The following ANKH variants were observed in gnomAD, a reference collection of about 807,000 sequenced individuals.
The protein encoded by ANKH is mineralization regulator ANKH.
Under a neutral mutation model 49.0 loss-of-function variants are expected in ANKH, and 15 were observed. The ratio of observed to expected loss-of-function variants is 0.31; its 90% CI spans 0.20 to 0.47. ANKH has a LOEUF of 0.47. Among genes scored for constraint, ANKH ranks in the 20% least tolerant of loss-of-function variants. The pLI is 1.00. For missense variants in ANKH, 429 were observed against 652.0 expected (o/e 0.66, Z 3.72); for synonymous variants, 273 against 260.0 (o/e 1.05, Z -0.48).
intron 1 of ANKH, among the ~76,000 whole-genome samples, chr5:14,780,359 G>A (rs1412403008): frequency 4.6e-5 from 7 of 152,164 alleles, no homozygotes; most frequent in African/African-American, 7.2e-5. Context: ...CCTGGCCAAC[G>A]TGGCAAAACC....
intron 8 of ANKH, among the ~76,000 whole-genome samples, chr5:14,717,746 A>G (rs981083128): frequency 6.6e-6 from 1 of 152,204 alleles, no homozygotes; most frequent in Admixed American, 6.5e-5. Flanking sequence ...GCTTGGGACC[A>G]AAAGTGTTTT....
chr5:14,787,391 T>A (rs1054202972), intron 1 of ANKH, among the ~76,000 whole-genome samples: 19 of 152,124 alleles, frequency 1.2e-4, no homozygotes, highest in African/African-American at 4.3e-4. Context: ...TATAAAATAT[T>A]CTCATTCTGT....
chr5:14,778,986 T>C (rs16903708), intron 1 of ANKH, among the ~76,000 whole-genome samples: 6,688 of 152,264 alleles, frequency 0.044, 475 homozygotes, highest in African/African-American at 0.15. Context: ...TGGGAAGACT[T>C]TGAGATGCAT....
At chr5:14,792,319 A>G (rs1339400298) in intron 1 of ANKH, among the ~76,000 whole-genome samples, 1 of 152,258 alleles carries the variant, frequency 6.6e-6, no homozygotes. Context: ...AAGAATGTGC[A>G]TAGTGGACTA....
At chr5:14,796,277 G>A (rs1740381653) in intron 1 of ANKH, among the ~76,000 whole-genome samples, 1 of 151,110 alleles carries the variant, frequency 6.6e-6, no homozygotes, top group Admixed American at 6.6e-5. Context: ...AAATGGAGAT[G>A]GCATCAAACT....
intron 5 of ANKH, among the ~76,000 whole-genome samples, chr5:14,750,217 A>C (rs375108358): frequency 6.6e-6 from 1 of 152,242 alleles, no homozygotes; most frequent in African/African-American, 2.4e-5. Flanking sequence ...TAGATGCCTT[A>C]CAGCTAAATG....
intron 6 of ANKH, 74 bp downstream of exon 6, chr5:14,749,098 C>A (rs557311271): frequency 6.3e-7 from 1 of 1,599,872 alleles, no homozygotes; most frequent in African/African-American, 1.3e-5. Flanking sequence ...TCGAGAAGAA[C>A]TGGAAATCAG....
At chr5:14,743,217 C>T (rs998922431) in intron 7 of ANKH, among the ~76,000 whole-genome samples, 2 of 152,178 alleles carry the variant, frequency 1.3e-5, no homozygotes, top group East Asian at 3.9e-4. Flanking sequence ...GGTTGGAGAC[C>T]TCCGTCTCCA....
chr5:14,736,597 C>T (rs75256112), intron 8 of ANKH, among the ~76,000 whole-genome samples: 153 of 152,240 alleles, frequency 1.0e-3, no homozygotes, highest in African/African-American at 3.3e-3. Flanking sequence ...TTCTCTGAGT[C>T]GTCACCTCCC....
At chr5:14,731,820 C>T (rs1738012725) in intron 8 of ANKH, among the ~76,000 whole-genome samples, 1 of 152,232 alleles carries the variant, frequency 6.6e-6, no homozygotes, top group Admixed American at 6.5e-5. Context: ...AAGTGATGGG[C>T]TGACGTGTTC....
At chr5:14,839,389 A>G (rs139202832) in intron 1 of ANKH, among the ~76,000 whole-genome samples, 271 of 152,252 alleles carry the variant, frequency 1.8e-3, no homozygotes, top group African/African-American at 6.3e-3. Context: ...ACAGACACAC[A>G]CGCACAGACA....
In ANKH at chr5:14,715,333, G is replaced by A. The variant is rs1163110577; in HGVS notation, c.1141+1373C>T. ...TTTAGTAGAGACGGGGTTTCACCAT[G>A]TTGGTGAGGCTGGTCTCGAACTCCT... On this transcript the variant is annotated intron_variant, in intron 9 of 11. Transcript: ENST00000284268. Among the ~76,000 whole-genome samples the A allele has an allele frequency of 3.3e-5, 5 of 152,212 alleles. No individual in the cohort carries two copies. In the East Asian group the frequency reaches 9.6e-4, roughly 29 times the overall value.
chr5:14,741,612 A>G (rs1049093146), intron 8 of ANKH: 10 of 548,102 alleles, frequency 1.8e-5, no homozygotes, highest in Non-Finnish European at 2.6e-5. Flanking sequence ...AGAAGTCCCA[A>G]GAAATGCCTG....
chr5:14,760,359 C>G (rs1489492087), intron 2 of ANKH, among the ~76,000 whole-genome samples: 2 of 152,096 alleles, frequency 1.3e-5, no homozygotes, highest in Admixed American at 6.5e-5. Context: ...GAGGTTTGAC[C>G]TGGGAAGGCA....
chr5:14,862,395 T>C (rs1424564094), intron 1 of ANKH, among the ~76,000 whole-genome samples: 1 of 152,204 alleles, frequency 6.6e-6, no homozygotes, highest in Non-Finnish European at 1.5e-5. Context: ...ATGACTGGTA[T>C]TTGGTTGTTG....
chr5:14,855,078 G>C (rs1252714532), intron 1 of ANKH, among the ~76,000 whole-genome samples: 1 of 152,092 alleles, frequency 6.6e-6, no homozygotes, highest in African/African-American at 2.4e-5. Context: ...CGTTCCCCTG[G>C]TCTTATTACC....
chr5:14,741,436 G>A, intron 8 of ANKH: 1 of 254,770 alleles, frequency 3.9e-6, no homozygotes, highest in South Asian at 4.3e-5. Flanking sequence ...TAACTGGAAA[G>A]GAAATTTTAC....
chr5:14,743,575 G>C (rs946179734), intron 7 of ANKH, among the ~76,000 whole-genome samples: 1 of 152,216 alleles, frequency 6.6e-6, no homozygotes, highest in Non-Finnish European at 1.5e-5. Context: ...AGAACTCCCG[G>C]AAGGTATGTG....
intron 1 of ANKH, among the ~76,000 whole-genome samples, chr5:14,821,422 T>A (rs1290351294): frequency 1.3e-5 from 2 of 152,200 alleles, no homozygotes; most frequent in Admixed American, 1.3e-4. Flanking sequence ...GAAAATGGAA[T>A]GACATAAAAT....
Sources: gnomAD v4.1 joint callset for allele counts (sites outside exome capture counted in the v4.1 genomes callset) on GRCh38, gnomAD v4.1.1 for gene constraint, MANE v1.5 for transcripts, NCBI Gene and HGNC (gene_info 2026-07-23, HGNC 2026-07-21) for gene names.